LAMA1: variants seen among roughly 807,000 people sequenced by gnomAD.
LAMA1 encodes the protein laminin subunit alpha-1.
LAMA1 carries 219 observed loss-of-function variants against 348.7 expected under a neutral mutation model. The observed-to-expected ratio is 0.63, with a 90% CI of 0.56 to 0.70. LAMA1 has a LOEUF of 0.70. Ranked by LOEUF, LAMA1 falls within the 30% of genes least tolerant of loss-of-function variation. LAMA1 has a pLI of 0.00. For missense variants in LAMA1, 3,744 were observed against 3,888.0 expected (o/e 0.96, Z 0.99); for synonymous variants, 1,487 against 1,491.0 (o/e 1.00, Z 0.06).
intron 1 of LAMA1, among the ~76,000 whole-genome samples, chr18:7,101,402 C>T (rs993836600): frequency 6.6e-5 from 10 of 152,078 alleles, no homozygotes; most frequent in Admixed American, 1.3e-4. Context: ...ATTAGGAAGG[C>T]GGCCAATCAC....
At chr18:6,990,914 T>G (rs949782042) in intron 36 of LAMA1, among the ~76,000 whole-genome samples, 1 of 152,152 alleles carries the variant, frequency 6.6e-6, no homozygotes, top group Non-Finnish European at 1.5e-5. Context: ...TTATATTCCC[T>G]GGGCCTCAGT....
At chr18:6,986,452 T>C in intron 36 of LAMA1, 105 bp from the exon 37 acceptor site, 4 of 1,014,610 alleles carry the variant, frequency 3.9e-6, no homozygotes, top group Non-Finnish European at 6.0e-6. Flanking sequence ...TAGTCTCTTT[T>C]TGAAATTGTA....
Position 7,012,034 on chromosome 18 carries a change from G to C in LAMA1, c.3468C>G (p.Ser1156=). 1 of 1,610,540 alleles carries C rather than the reference G, an allele frequency of 6.2e-7. No individual in the cohort carries two copies. The highest frequency in any genetic ancestry group is 8.5e-7 in the Non-Finnish European group (1 of 1,178,188). ...GCSPCFCSGL[S]HLCSELEDYV... ...AGTCCTCCAGCTCTGAGCAGAGGTG[G>C]GACAGCCCGGAGCAGAAGCACGGGC... The change falls in exon 24 of 63, where the codon TCC becomes TCG. Residue 1156 remains serine (S), a synonymous_variant. Transcript: ENST00000389658.
At chr18:6,987,348 T>C (rs573251923) in intron 36 of LAMA1, among the ~76,000 whole-genome samples, 107 of 152,282 alleles carry the variant, frequency 7.0e-4, no homozygotes, top group African/African-American at 2.5e-3. Context: ...TGTTAAGAAT[T>C]TACCAATTTA....
intron 1 of LAMA1, among the ~76,000 whole-genome samples, chr18:7,095,941 G>A (rs994229020): frequency 1.3e-5 from 2 of 152,168 alleles, no homozygotes; most frequent in South Asian, 2.1e-4. Flanking sequence ...GGTGGCAGGC[G>A]CCTGTAATTC....
At chr18:6,965,247 T>G in intron 50 of LAMA1, 41 bp downstream of exon 50, 8 of 1,613,460 alleles carry the variant, frequency 5.0e-6, no homozygotes, top group Non-Finnish European at 6.8e-6. Context: ...TCTATTCTTA[T>G]GAGGGTGACC....
chr18:6,963,539 G>C (rs2057618480), intron 51 of LAMA1, among the ~76,000 whole-genome samples: 3 of 152,176 alleles, frequency 2.0e-5, no homozygotes, highest in African/African-American at 7.2e-5. Flanking sequence ...GTGGAGAAGT[G>C]GCTCTCTCTA....
At chr18:6,977,136 C>T (rs1371518600) in intron 44 of LAMA1, among the ~76,000 whole-genome samples, 1 of 152,174 alleles carries the variant, frequency 6.6e-6, no homozygotes. Flanking sequence ...CAAAAGGAAA[C>T]TTTTTCCCTT....
intron 48 of LAMA1, 26 bp downstream of exon 48, chr18:6,971,831 T>G (rs1471756613): frequency 6.2e-7 from 1 of 1,613,930 alleles, no homozygotes; most frequent in African/African-American, 1.3e-5. Flanking sequence ...TAACATACTA[T>G]GTGCTAAACC....
At chr18:7,067,858 T>A (rs2058129430) in intron 3 of LAMA1, among the ~76,000 whole-genome samples, 1 of 114,040 alleles carries the variant, frequency 8.8e-6, no homozygotes, top group Non-Finnish European at 1.5e-5. Flanking sequence ...CCTTTTCGCA[T>A]TTTTTTTTTT....
intron 20 of LAMA1, 57 bp downstream of exon 20, chr18:7,017,221 T>C (rs2057892927): frequency 2.9e-6 from 4 of 1,367,168 alleles, no homozygotes; most frequent in African/African-American, 2.9e-5. Context: ...TTCTGAGTCA[T>C]GGATTCAATC....
At chr18:7,104,568 A>G (rs1395646804) in intron 1 of LAMA1, among the ~76,000 whole-genome samples, 1 of 152,228 alleles carries the variant, frequency 6.6e-6, no homozygotes, top group Non-Finnish European at 1.5e-5. Context: ...AACTACAGAT[A>G]TCACAGAATG....
chr18:6,977,474 T>A (rs2057687743), intron 44 of LAMA1, among the ~76,000 whole-genome samples: 1 of 152,210 alleles, frequency 6.6e-6, no homozygotes, highest in Admixed American at 6.5e-5. Context: ...TAAATCTCCA[T>A]AAAGACATGG....
intron 39 of LAMA1, 34 bp downstream of exon 39, chr18:6,985,203 A>T: frequency 1.9e-6 from 3 of 1,613,424 alleles, no homozygotes. Flanking sequence ...AATAGACTGC[A>T]AGCTCTTGAG....
chr18:7,062,800 A>C (rs1487954718), intron 3 of LAMA1, among the ~76,000 whole-genome samples: 1 of 152,196 alleles, frequency 6.6e-6, no homozygotes, highest in Non-Finnish European at 1.5e-5. Flanking sequence ...CCTCAGTCCC[A>C]GAGAATATCT....
chr18:7,040,966 T>C (rs373246387), intron 9 of LAMA1, among the ~76,000 whole-genome samples: 1 of 152,258 alleles, frequency 6.6e-6, no homozygotes, highest in African/African-American at 2.4e-5. Context: ...AATTAACGAT[T>C]GCCAGGGGCC....
chr18:7,106,805 C>T (rs2058313762), intron 1 of LAMA1, among the ~76,000 whole-genome samples: 1 of 152,052 alleles, frequency 6.6e-6, no homozygotes, highest in South Asian at 2.1e-4. Context: ...TTTGAGTCTG[C>T]TCTTCTGACA....
chr18:6,956,160 T>C, intron 56 of LAMA1: 1 of 342,212 alleles, frequency 2.9e-6, no homozygotes, highest in Non-Finnish European at 5.6e-6. Flanking sequence ...GTGCACACTT[T>C]AAACCAGGGA....
At chr18:6,988,830 A>AAAAAAAAAC (rs2057746770) in intron 36 of LAMA1, among the ~76,000 whole-genome samples, 1 of 150,656 alleles carries the variant, frequency 6.6e-6, no homozygotes, top group Non-Finnish European at 1.5e-5. Flanking sequence ...AAAAAAAAAA[A>AAAAAAAAAC]TCTTTTAATA....
Sources: allele counts gnomAD v4.1 joint callset (sites outside exome capture counted in the v4.1 genomes callset), GRCh38; gene constraint gnomAD v4.1.1; transcripts MANE v1.5; gene names NCBI Gene and HGNC (gene_info 2026-07-23, HGNC 2026-07-21).